HECTD2: variants seen among roughly 807,000 people sequenced by gnomAD.
The protein encoded by HECTD2 is probable E3 ubiquitin-protein ligase HECTD2.
Under a neutral mutation model 103.2 loss-of-function variants are expected in HECTD2, and 35 were observed. The ratio of observed to expected loss-of-function variants is 0.34; its 90% CI spans 0.26 to 0.45. HECTD2 has a LOEUF of 0.45. Among genes scored for constraint, HECTD2 ranks in the 20% least tolerant of loss-of-function variants. The pLI is 1.00. For synonymous variants in HECTD2, 281 were observed against 329.9 expected (o/e 0.85, Z 1.61); for missense variants, 596 against 937.4 (o/e 0.64, Z 4.76).
At chr10:91,415,192 A>ATGTGTGTGTGTGTGTGTGTG (rs1843071457) in intron 1 of HECTD2, among the ~76,000 whole-genome samples, 1 of 104,094 alleles carries the variant, frequency 9.6e-6, no homozygotes, top group Admixed American at 8.3e-5. Context: ...AAATTAGAGA[A>ATGTGTGTGTGTGTGTGTGTG]AGTGTGTGTG....
At chr10:91,477,297 G>A (rs1240491870) in intron 5 of HECTD2, among the ~76,000 whole-genome samples, 2 of 152,156 alleles carry the variant, frequency 1.3e-5, no homozygotes, top group East Asian at 1.9e-4. Context: ...GGAATAAGAA[G>A]GTTTGAAATA....
intron 7 of HECTD2, among the ~76,000 whole-genome samples, chr10:91,482,547 C>T (rs1387614698): frequency 6.6e-6 from 1 of 151,760 alleles, no homozygotes; most frequent in East Asian, 1.9e-4. Flanking sequence ...AGGTTTTTTG[C>T]TTTTAATTGG....
At chr10:91,458,037 A>ACC (rs1554874267) in intron 2 of HECTD2, among the ~76,000 whole-genome samples, 2 of 148,246 alleles carry the variant, frequency 1.3e-5, no homozygotes, top group African/African-American at 5.1e-5. Flanking sequence ...AAAAAAAAAA[A>ACC]CCCATGAAAT....
chr10:91,500,671 G>A, intron 19 of HECTD2, 54 bp downstream of exon 19: 1 of 844,656 alleles, frequency 1.2e-6, no homozygotes, highest in South Asian at 1.5e-5. Flanking sequence ...ACAGCAGACA[G>A]TGTGGTTCAT....
intron 20 of HECTD2, among the ~76,000 whole-genome samples, chr10:91,510,620 A>C (rs1178149417): frequency 6.6e-6 from 1 of 152,206 alleles, no homozygotes; most frequent in Non-Finnish European, 1.5e-5. Flanking sequence ...AACTCGGGAA[A>C]TGTTATTGAA....
intron 2 of HECTD2, among the ~76,000 whole-genome samples, chr10:91,445,745 C>G (rs538919625): frequency 6.6e-6 from 1 of 152,114 alleles, no homozygotes; most frequent in African/African-American, 2.4e-5. Flanking sequence ...CAAGCTGAAG[C>G]AAGGTGAGGC....
chr10:91,457,661 A>G (rs1449923646), intron 2 of HECTD2, among the ~76,000 whole-genome samples: 1 of 152,070 alleles, frequency 6.6e-6, no homozygotes, highest in Admixed American at 6.6e-5. Flanking sequence ...TTTACTTGAT[A>G]AACAGCATCT....
intron 2 of HECTD2, among the ~76,000 whole-genome samples, chr10:91,456,130 G>A (rs1190393962): frequency 6.6e-6 from 1 of 152,024 alleles, no homozygotes; most frequent in African/African-American, 2.4e-5. Flanking sequence ...GTAGCCTGAT[G>A]GGGGGGTGGC....
At chr10:91,454,437 G>A (rs1379298015) in intron 2 of HECTD2, among the ~76,000 whole-genome samples, 3 of 152,044 alleles carry the variant, frequency 2.0e-5, no homozygotes, top group Non-Finnish European at 4.4e-5. Context: ...GAAGTCTCAA[G>A]GGAGGTTAAA....
intron 1 of HECTD2, among the ~76,000 whole-genome samples, chr10:91,412,370 GA>G (rs1052955664): frequency 3.3e-5 from 5 of 151,122 alleles, no homozygotes; most frequent in Non-Finnish European, 7.4e-5. Context: ...ATATATTCAA[GA>G]AAAAAATTTA....
intron 2 of HECTD2, among the ~76,000 whole-genome samples, chr10:91,458,783 GA>G (rs938596135): frequency 1.3e-5 from 2 of 151,584 alleles, no homozygotes; most frequent in South Asian, 2.1e-4. Flanking sequence ...TGGACTTTTA[GA>G]AAAAAAATGA....
At chr10:91,469,961 A>G (rs529304821) in intron 5 of HECTD2, among the ~76,000 whole-genome samples, 1 of 152,334 alleles carries the variant, frequency 6.6e-6, no homozygotes, top group Non-Finnish European at 1.5e-5. Context: ...ACCAACAACA[A>G]TCAAAAAAGA....
Position 91,451,054 on chromosome 10 carries a change from A to C in HECTD2, c.269-9373A>C, listed in dbSNP as rs144829494. ...CCAAAGGATGATAAATCATTCTGCT[A>C]TAAAGACACATGCACACATATGTTT... On this transcript the variant is annotated intron_variant, in intron 2 of 20. Transcript: ENST00000298068. Among the ~76,000 whole-genome samples, 412 of 152,290 alleles carry C rather than the reference A, an allele frequency of 2.7e-3. 1 individual carries two copies. The highest frequency in any genetic ancestry group is 9.6e-3 in the African/African-American group (400 of 41,550).
chr10:91,477,997 C>T (rs1487264681), intron 5 of HECTD2, among the ~76,000 whole-genome samples: 1 of 152,186 alleles, frequency 6.6e-6, no homozygotes, highest in Non-Finnish European at 1.5e-5. Flanking sequence ...GTATGCTACA[C>T]ATACCAGGGA....
intron 2 of HECTD2, among the ~76,000 whole-genome samples, chr10:91,435,635 C>G (rs1316295288): frequency 1.3e-5 from 2 of 151,982 alleles, no homozygotes; most frequent in African/African-American, 4.8e-5. Context: ...GTCTCTCTAC[C>G]TCTGTCTCTG....
chr10:91,502,541 C>T (rs1306096054), intron 20 of HECTD2, among the ~76,000 whole-genome samples: 2 of 152,048 alleles, frequency 1.3e-5, no homozygotes, highest in Non-Finnish European at 2.9e-5. Flanking sequence ...GGTAAGTGCC[C>T]AATAGCTATT....
chr10:91,503,671 A>C (rs1847011201), intron 20 of HECTD2, among the ~76,000 whole-genome samples: 1 of 152,224 alleles, frequency 6.6e-6, no homozygotes, highest in Non-Finnish European at 1.5e-5. Context: ...GTCTGAGATC[A>C]AACTGCAAGG....
intron 1 of HECTD2, among the ~76,000 whole-genome samples, chr10:91,418,978 C>A (rs1194383607): frequency 1.3e-5 from 2 of 152,024 alleles, no homozygotes; most frequent in East Asian, 1.9e-4. Flanking sequence ...CTCATTGAGA[C>A]TAAAGGGTGA....
chr10:91,464,913 A>G (rs1344242916), intron 5 of HECTD2, among the ~76,000 whole-genome samples: 1 of 152,256 alleles, frequency 6.6e-6, no homozygotes, highest in African/African-American at 2.4e-5. Flanking sequence ...AAAACCCTAA[A>G]TGGAACCTAA....
Sources: allele counts gnomAD v4.1 joint callset (sites outside exome capture counted in the v4.1 genomes callset), GRCh38; gene constraint gnomAD v4.1.1; transcripts MANE v1.5; gene names NCBI Gene and HGNC (gene_info 2026-07-23, HGNC 2026-07-21).